PDZRN4: variants seen among roughly 807,000 people sequenced by gnomAD.
PDZRN4 encodes the protein PDZ domain-containing RING finger protein 4.
Under a neutral mutation model 99.0 loss-of-function variants are expected in PDZRN4, and 70 were observed. That is an observed-to-expected ratio of 0.71 (90% confidence interval 0.58 to 0.86). The LOEUF (loss-of-function observed/expected upper bound fraction) is 0.86. PDZRN4 is among the 40% of genes least tolerant of loss of function. The pLI, the probability that PDZRN4 is intolerant of heterozygous loss-of-function variation, is 0.00. For synonymous variants in PDZRN4, 551 were observed against 501.6 expected, an observed-to-expected ratio of 1.10 and a Z score of -1.32; for missense variants, 1,474 against 1,331.2, an observed-to-expected ratio of 1.11 and a Z score of -1.67.
chr12:41,372,491 A>G (rs968385916), intron 3 of PDZRN4, among the ~76,000 whole-genome samples: 1 of 152,198 alleles, frequency 6.6e-6, no homozygotes, highest in Non-Finnish European at 1.5e-5. Context: ...TATTAAAGGA[A>G]TTTAAGTAAA....
In PDZRN4 at chr12:41,374,773, G is replaced by C. The variant is rs556858196; in HGVS notation, c.844-131683G>C. Among the ~76,000 whole-genome samples, 3 of 152,246 alleles carry C rather than the reference G, an allele frequency of 2.0e-5. No individual in the cohort carries two copies. In the South Asian group the frequency reaches 6.2e-4, roughly 32 times the overall value. On this transcript the variant is annotated intron_variant, in intron 3 of 9. Transcript: ENST00000402685. ...AGTTGGGAGGAAGGACATTGTAGTG[G>C]TTCTTAAAATATGTACACAAATTCT...
At chr12:41,193,175 C>A (rs1314570401) in intron 2 of PDZRN4, among the ~76,000 whole-genome samples, 1 of 152,150 alleles carries the variant, frequency 6.6e-6, no homozygotes, top group Non-Finnish European at 1.5e-5. Flanking sequence ...AAAGCCTTTT[C>A]ATCATAGCAT....
At chr12:41,372,722 G>A (rs891979423) in intron 3 of PDZRN4, among the ~76,000 whole-genome samples, 3 of 152,140 alleles carry the variant, frequency 2.0e-5, no homozygotes. Flanking sequence ...TAAGTCTAGA[G>A]AAGAGGCTAA....
chr12:41,540,335 G>T (rs1046374766), intron 5 of PDZRN4, among the ~76,000 whole-genome samples: 7 of 152,160 alleles, frequency 4.6e-5, no homozygotes, highest in Non-Finnish European at 1.0e-4. Context: ...TTTTAGGGGT[G>T]TTATAGTACG....
intron 5 of PDZRN4, among the ~76,000 whole-genome samples, chr12:41,528,378 T>C (rs1470954096): frequency 1.3e-5 from 2 of 152,214 alleles, no homozygotes; most frequent in African/African-American, 2.4e-5. Context: ...GTGCACTCTG[T>C]ACATAAACTT....
In PDZRN4 at chr12:41,573,022, C is replaced by T. The variant is rs1428821333; in HGVS notation, c.2243C>T (p.Thr748Ile). The T allele has an allele frequency of 6.2e-7, 1 of 1,614,126 alleles. No homozygotes were observed. The highest frequency in any genetic ancestry group is 1.1e-5 in the South Asian group (1 of 91,082). ...AYNTAESCRS[T>I]PLTVDRSPDS... is the part of the protein sequence containing the mutation. ...AACACAGCTGAGAGCTGCAGAAGTA[C>T]TCCGCTCACTGTAGACCGTTCCCCT... The change falls in exon 10 of 10, where the codon ACT (threonine) becomes ATT (isoleucine). Residue 748 changes from threonine to isoleucine, a missense_variant. By Grantham distance (89) the Thr-to-Ile change is moderately conservative. Coordinates refer to ENST00000402685, the MANE Select transcript of PDZRN4 (RefSeq NM_001164595.2).
chr12:41,502,095 T>C (rs565304255), intron 3 of PDZRN4, among the ~76,000 whole-genome samples: 1 of 152,254 alleles, frequency 6.6e-6, no homozygotes, highest in East Asian at 1.9e-4. Context: ...CCAATTCTGA[T>C]AACCTCTCGT....
At chr12:41,408,447 G>C (rs938731286) in intron 3 of PDZRN4, among the ~76,000 whole-genome samples, 7 of 152,270 alleles carry the variant, frequency 4.6e-5, no homozygotes, top group African/African-American at 1.7e-4. Flanking sequence ...TTCTCAAAGT[G>C]GAAGTGTGGG....
intron 3 of PDZRN4, among the ~76,000 whole-genome samples, chr12:41,424,423 GAGAAACTTAACAATTTT>G (rs1952517608): frequency 6.6e-6 from 1 of 152,138 alleles, no homozygotes; most frequent in Admixed American, 6.6e-5. Context: ...ATGGTGTGTA[GAGAAACTTAACAATTTT>G]TATACTGACA....
At chr12:41,365,161 A>G (rs888455620) in intron 3 of PDZRN4, among the ~76,000 whole-genome samples, 6 of 152,104 alleles carry the variant, frequency 3.9e-5, no homozygotes, top group African/African-American at 1.4e-4. Context: ...CTTAGAGTTC[A>G]GTAAAATGGG....
intron 3 of PDZRN4, among the ~76,000 whole-genome samples, chr12:41,436,939 A>C (rs1261649586): frequency 6.6e-6 from 1 of 152,200 alleles, no homozygotes; most frequent in African/African-American, 2.4e-5. Flanking sequence ...CATAAATACT[A>C]TAAGCATTTG....
At chr12:41,282,777 G>A (rs1246941943) in intron 3 of PDZRN4, among the ~76,000 whole-genome samples, 1 of 152,124 alleles carries the variant, frequency 6.6e-6, no homozygotes, top group Non-Finnish European at 1.5e-5. Context: ...TGACTACTGG[G>A]TAAATAATGA....
intron 3 of PDZRN4, among the ~76,000 whole-genome samples, chr12:41,227,018 A>C (rs1017352375): frequency 6.6e-6 from 1 of 152,204 alleles, no homozygotes; most frequent in African/African-American, 2.4e-5. Flanking sequence ...AGGCATATGC[A>C]TCTTAAACGG....
intron 3 of PDZRN4, among the ~76,000 whole-genome samples, chr12:41,269,705 A>G (rs1279254778): frequency 6.6e-6 from 1 of 152,150 alleles, no homozygotes; most frequent in African/African-American, 2.4e-5. Flanking sequence ...CATATTTTGA[A>G]GTTTTCCACT....
At chr12:41,252,534 G>GT (rs1951177412) in intron 3 of PDZRN4, among the ~76,000 whole-genome samples, 1 of 152,186 alleles carries the variant, frequency 6.6e-6, no homozygotes, top group South Asian at 2.1e-4. Flanking sequence ...GATCACAGGA[G>GT]TTTGAGACCA....
intron 5 of PDZRN4, among the ~76,000 whole-genome samples, chr12:41,519,351 A>G (rs951062910): frequency 1.3e-5 from 2 of 152,050 alleles, no homozygotes; most frequent in Admixed American, 1.3e-4. Flanking sequence ...TCCTTAAAAC[A>G]AACTTGCTTT....
chr12:41,541,977 G>T (rs1938865464), intron 5 of PDZRN4, among the ~76,000 whole-genome samples: 1 of 152,136 alleles, frequency 6.6e-6, no homozygotes, highest in Non-Finnish European at 1.5e-5. Context: ...CCAAACAGTA[G>T]ATGGTATCTC....
At chr12:41,326,480 A>G (rs77322610) in intron 3 of PDZRN4, among the ~76,000 whole-genome samples, 7,562 of 152,228 alleles carry the variant, frequency 0.05, 625 homozygotes, top group African/African-American at 0.17. Flanking sequence ...AATCACAAAA[A>G]TTGTTCCATG....
In PDZRN4 at chr12:41,407,273, C is replaced by T. The variant is rs372671941; in HGVS notation, c.844-99183C>T. ...GAGTGGACTTAGCTAGCAAGAAAACCCTTCCTTTCTTTATAAGAAGGCTTC... is the reference window on the plus strand; with the variant it reads ...GAGTGGACTTAGCTAGCAAGAAAACTCTTCCTTTCTTTATAAGAAGGCTTC... On this transcript the variant is annotated intron_variant, in intron 3 of 9. Coordinates refer to ENST00000402685, the MANE Select transcript of PDZRN4 (RefSeq NM_001164595.2). Among the ~76,000 whole-genome samples the T allele has an allele frequency of 5.9e-5, 9 of 152,202 alleles. No homozygotes were observed. The South Asian group carries it at 1.9e-3, about 32-fold the overall frequency.
Sources: allele counts gnomAD v4.1 joint callset (sites outside exome capture counted in the v4.1 genomes callset), GRCh38; gene constraint gnomAD v4.1.1; transcripts MANE v1.5; gene names NCBI Gene and HGNC (gene_info 2026-07-23, HGNC 2026-07-21).